Variants in IGSF21 observed in about 807,000 individuals in gnomAD.
IGSF21 encodes the protein immunoglobulin superfamily member 21.
In IGSF21, 28 loss-of-function variants were observed where a neutral mutation model predicts 46.8. The ratio of observed to expected loss-of-function variants is 0.60; its 90% CI spans 0.44 to 0.82. The LOEUF (loss-of-function observed/expected upper bound fraction) is 0.82, where lower values mean the gene tolerates loss of function less well. Ranked by LOEUF, IGSF21 falls within the 40% of genes least tolerant of loss-of-function variation. The pLI is 0.00. For synonymous variants in IGSF21, 284 were observed against 273.6 expected, an observed-to-expected ratio of 1.04 and a Z score of -0.38; for missense variants, 624 against 665.5, an observed-to-expected ratio of 0.94 and a Z score of 0.69.
At chr1:18,128,816 G>A (rs2086295072) in intron 1 of IGSF21, among the ~76,000 whole-genome samples, 1 of 151,344 alleles carries the variant, frequency 6.6e-6, no homozygotes, top group African/African-American at 2.4e-5. Context: ...GTGTGTGTAT[G>A]TCTCTGTGTC....
intron 2 of IGSF21, among the ~76,000 whole-genome samples, chr1:18,285,792 A>G (rs1185654026): frequency 6.6e-6 from 1 of 152,136 alleles, no homozygotes; most frequent in African/African-American, 2.4e-5. Context: ...AAAATACGCA[A>G]TAGCTAATAT....
At chr1:18,228,054 G>T in intron 2 of IGSF21, 44 bp downstream of exon 2, 1 of 1,454,468 alleles carries the variant, frequency 6.9e-7, no homozygotes, top group South Asian at 1.1e-5. Context: ...GGCCAGGACT[G>T]GTGTGAGGTC....
intron 1 of IGSF21, among the ~76,000 whole-genome samples, chr1:18,217,636 G>A (rs1410455883): frequency 6.6e-6 from 1 of 152,166 alleles, no homozygotes; most frequent in African/African-American, 2.4e-5. Flanking sequence ...CAGGGTGCTT[G>A]ACCCTGCTAC....
At chr1:18,144,003 G>C (rs374173505) in intron 1 of IGSF21, among the ~76,000 whole-genome samples, 1 of 152,156 alleles carries the variant, frequency 6.6e-6, no homozygotes, top group African/African-American at 2.4e-5. Flanking sequence ...TTAAGGCTTC[G>C]TGATGGCAGA....
chr1:18,180,469 C>A (rs914376813), intron 1 of IGSF21, among the ~76,000 whole-genome samples: 3 of 152,138 alleles, frequency 2.0e-5, no homozygotes, highest in South Asian at 4.1e-4. Flanking sequence ...AACAAGCATG[C>A]CCCACAGTCA....
At chr1:18,153,776 C>T (rs2086542900) in intron 1 of IGSF21, among the ~76,000 whole-genome samples, 1 of 152,096 alleles carries the variant, frequency 6.6e-6, no homozygotes. Context: ...TTCCGTTGGT[C>T]TGAGCCCCAG....
At chr1:18,225,635 A>G (rs928395506) in intron 1 of IGSF21, among the ~76,000 whole-genome samples, 6 of 152,102 alleles carry the variant, frequency 3.9e-5, no homozygotes, top group Non-Finnish European at 5.9e-5. Context: ...ACTCATAACT[A>G]TATCTGCAAA....
chr1:18,227,657 G>A (rs754516988), intron 1 of IGSF21, among the ~76,000 whole-genome samples: 9 of 151,694 alleles, frequency 5.9e-5, no homozygotes, highest in Non-Finnish European at 1.2e-4. Context: ...GGATCCATTG[G>A]AGCCAGGGAG....
intron 3 of IGSF21, among the ~76,000 whole-genome samples, chr1:18,304,183 A>T (rs1266559816): frequency 6.6e-6 from 1 of 152,124 alleles, no homozygotes; most frequent in Non-Finnish European, 1.5e-5. Flanking sequence ...TTGGGAGGAG[A>T]GGGGCTCCTT....
intron 3 of IGSF21, among the ~76,000 whole-genome samples, chr1:18,294,540 A>G (rs2124568399): frequency 6.6e-6 from 1 of 152,356 alleles, no homozygotes; most frequent in South Asian, 2.1e-4. Context: ...AATGACATGA[A>G]CTTGACCAGA....
chr1:18,134,862 T>C (rs2086354754), intron 1 of IGSF21, among the ~76,000 whole-genome samples: 1 of 152,214 alleles, frequency 6.6e-6, no homozygotes. Context: ...AGAGAAATCC[T>C]ACATAGGGTT....
At chr1:18,369,941 C>T (rs758233193) in intron 6 of IGSF21, among the ~76,000 whole-genome samples, 17 of 152,170 alleles carry the variant, frequency 1.1e-4, no homozygotes, top group Non-Finnish European at 2.2e-4. Flanking sequence ...TAAATGGCAA[C>T]CATGTCCTTC....
chr1:18,273,423 TCCTTTC>T (rs2085065103), intron 2 of IGSF21, among the ~76,000 whole-genome samples: 1 of 147,058 alleles, frequency 6.8e-6, no homozygotes, highest in African/African-American at 2.6e-5. Context: ...TCTTTTCCTT[TCCTTTC>T]CTTTCTTTCT....
intron 1 of IGSF21, among the ~76,000 whole-genome samples, chr1:18,211,858 T>C (rs976861120): frequency 8.5e-5 from 13 of 152,224 alleles, no homozygotes; most frequent in Non-Finnish European, 1.9e-4. Context: ...TTCTGAGTAA[T>C]GTTGGAGGAT....
chr1:18,173,344 CA>C (rs2086759887), intron 1 of IGSF21, among the ~76,000 whole-genome samples: 1 of 152,152 alleles, frequency 6.6e-6, no homozygotes, highest in Non-Finnish European at 1.5e-5. Flanking sequence ...AATTTACCAA[CA>C]AAAAAGTCCA....
chr1:18,287,328 G>A (rs534435070), intron 2 of IGSF21, among the ~76,000 whole-genome samples: 192 of 152,086 alleles, frequency 1.3e-3, no homozygotes, highest in Admixed American at 3.4e-3. Context: ...CCTGGGAGGC[G>A]GAGCTTGCAG....
At chr1:18,139,380 T>G (rs1397985132) in intron 1 of IGSF21, among the ~76,000 whole-genome samples, 3 of 152,094 alleles carry the variant, frequency 2.0e-5, no homozygotes, top group Non-Finnish European at 4.4e-5. Flanking sequence ...ATGGGGCCAG[T>G]TGGGTTCCTG....
chr1:18,207,298 G>A (rs1426988108), intron 1 of IGSF21, among the ~76,000 whole-genome samples: 1 of 152,054 alleles, frequency 6.6e-6, no homozygotes, highest in Non-Finnish European at 1.5e-5. Flanking sequence ...AGGCCCACTG[G>A]GATAATCTCC....
intron 2 of IGSF21, among the ~76,000 whole-genome samples, chr1:18,255,072 C>T (rs934481985): frequency 2.6e-5 from 4 of 152,294 alleles, no homozygotes; most frequent in South Asian, 2.1e-4. Context: ...CTGACCCCAG[C>T]GAAAGTGACA....
Sources: allele counts gnomAD v4.1 joint callset (sites outside exome capture counted in the v4.1 genomes callset), GRCh38; gene constraint gnomAD v4.1.1; transcripts MANE v1.5; gene names NCBI Gene and HGNC (gene_info 2026-07-23, HGNC 2026-07-21).